LRRD1: variants seen among roughly 807,000 people sequenced by gnomAD.
LRRD1 encodes leucine rich repeats and death domain containing 1.
A neutral mutation model predicts 69.5 loss-of-function variants in LRRD1; 49 were observed. The ratio of observed to expected loss-of-function variants is 0.70; its 90% CI spans 0.56 to 0.89. LRRD1 has a LOEUF of 0.89. LRRD1 is among the 40% of genes least tolerant of loss of function. The probability of loss-of-function intolerance (pLI) is 0.00; values close to 1 mark genes in which losing one functional copy is unlikely to be tolerated. For missense variants in LRRD1, 853 were observed against 956.0 expected (o/e 0.89, Z 1.42); for synonymous variants, 303 against 338.9 (o/e 0.89, Z 1.16).
At chr7:92,174,503 ATATATATTTTTTTTTTTT>A (rs1789139078) in intron 1 of LRRD1, among the ~76,000 whole-genome samples, 1 of 20,108 alleles carries the variant, frequency 5.0e-5, no homozygotes, top group Non-Finnish European at 9.4e-5. Flanking sequence ...ATATATATAT[ATATATATTTTTTTTTTTT>A]TTTTTTTTTT....
intron 1 of LRRD1, among the ~76,000 whole-genome samples, chr7:92,170,785 C>T (rs1789040911): frequency 6.6e-6 from 1 of 152,170 alleles, no homozygotes; most frequent in African/African-American, 2.4e-5. Context: ...ACAGAATAGA[C>T]AATATCTTAG....
rs1327985960 is a variant in LRRD1, at chr7:92,164,740, C to T, written c.463G>A (p.Glu155Lys). ...TVNLEAKGLQ[E>K]FPKDILKIKY... ...ATTTTTAAAATGTCCTTAGGAAATTCCTGTAAACCCTTGGCCTCAAGGTTA... is the reference window on the plus strand; with the variant it reads ...ATTTTTAAAATGTCCTTAGGAAATTTCTGTAAACCCTTGGCCTCAAGGTTA... Residue 155 changes from glutamate (E) to lysine (K), a missense_variant, in exon 2 of 6, where the codon GAA becomes AAA. Around this residue, in one of 3 missense-constraint regions of LRRD1, gnomAD observed 739 missense variants for 808.0 expected, o/e 0.91. Coordinates refer to ENST00000458448, the MANE Select transcript of LRRD1 (RefSeq NM_001161528.2). 1 of 1,550,914 alleles carries T rather than the reference C, an allele frequency of 6.4e-7. No homozygotes were observed. The highest frequency in any genetic ancestry group is 8.7e-7 in the Non-Finnish European group (1 of 1,146,716).
In LRRD1 at chr7:92,159,189, T is replaced by G; in HGVS notation, c.1932A>C (p.Pro644=). 6.6e-7 allele frequency: 1 copy of G among 1,504,778 alleles called. No individual in the cohort carries two copies. The highest frequency in any genetic ancestry group is 8.9e-7 in the Non-Finnish European group (1 of 1,129,344). 93.2% of individuals were successfully genotyped at this position (1,504,778 alleles called of 1,614,324 possible). Residue 644 remains proline (P), a synonymous_variant, in exon 3 of 6, where the codon CCA becomes CCC. Coordinates refer to ENST00000458448, the MANE Select transcript of LRRD1 (RefSeq NM_001161528.2). The part of the protein sequence containing the change: ...QIKGRKLTRL[P]GELSNMTQLK... ...GTTGAGTCATATTAGATAGCTCTCC[T>G]GGAAGTCTTGTTAGCTGTAACAAAG...
intron 2 of LRRD1, among the ~76,000 whole-genome samples, chr7:92,160,837 T>C (rs770998513): frequency 4.0e-5 from 6 of 151,614 alleles, no homozygotes; most frequent in Non-Finnish European, 5.9e-5. Flanking sequence ...AAACAAAGAA[T>C]GAATAGAATT....
chr7:92,173,593 TA>T (rs1488048318), intron 1 of LRRD1, among the ~76,000 whole-genome samples: 1 of 152,220 alleles, frequency 6.6e-6, no homozygotes, highest in Non-Finnish European at 1.5e-5. Flanking sequence ...TCACCATCAC[TA>T]ATCATCTGAG....
intron 1 of LRRD1, among the ~76,000 whole-genome samples, chr7:92,169,199 G>A (rs930990176): frequency 3.3e-5 from 5 of 152,082 alleles, no homozygotes; most frequent in Admixed American, 6.5e-5. Flanking sequence ...GATTATAGGC[G>A]TGAGTCACCG....
chr7:92,146,027 A>G, intron 5 of LRRD1, 56 bp downstream of exon 5: 1 of 906,754 alleles, frequency 1.1e-6, no homozygotes, highest in South Asian at 2.0e-5. Flanking sequence ...CAATATCAAC[A>G]TGATATACAT....
intron 1 of LRRD1, among the ~76,000 whole-genome samples, chr7:92,172,449 A>G (rs541881469): frequency 8.8e-4 from 134 of 152,194 alleles, no homozygotes; most frequent in Non-Finnish European, 1.7e-3. Flanking sequence ...AAATCTAAAG[A>G]CTCCACTAAA....
chr7:92,150,534 C>T lies in LRRD1; in HGVS notation c.2278G>A (p.Glu760Lys). 1 of 1,535,158 alleles carries T rather than the reference C, an allele frequency of 6.5e-7. No individual in the cohort carries two copies. Among genetic ancestry groups the T allele is most frequent in the Non-Finnish European group, 8.8e-7 (1 of 1,139,724 alleles). ...AGATAGTCAATCACTCATCACCTAC[C>T]ATCTCTTTCATCTGCCCTCTGTAGA... ...RYLQRADERD[E>K]KILEKIFKIV... The change falls in exon 4 of 6, where the codon GAG becomes AAG. Residue 760 changes from glutamate to lysine, a missense_variant and splice_region_variant. Transcript: ENST00000458448.
intron 3 of LRRD1, among the ~76,000 whole-genome samples, chr7:92,157,764 C>A (rs1299891852): frequency 4.0e-5 from 6 of 151,246 alleles, no homozygotes; most frequent in Admixed American, 1.3e-4. Context: ...TTAAGTAGAG[C>A]CGGGGTTTCA....
intron 1 of LRRD1, among the ~76,000 whole-genome samples, chr7:92,170,327 T>C (rs1180664249): frequency 6.6e-6 from 1 of 152,034 alleles, no homozygotes; most frequent in African/African-American, 2.4e-5. Flanking sequence ...GAAATCTTAT[T>C]GAAAGAAATA....
Position 92,164,854 on chromosome 7 carries a change from G to A in LRRD1, c.349C>T (p.Leu117=), listed in dbSNP as rs546325022. ...TAEYQALVNF[L]SHETVGEVSP... ...ACTTCTCCTACTGTTTCATGAGATA[G>A]GAAGTTAACCAAAGCCTGATATTCT... is the stretch of plus-strand genomic sequence containing the variant. The change falls in exon 2 of 6, where the codon CTA becomes TTA. Residue 117 remains leucine, a synonymous_variant. Coordinates refer to ENST00000458448, the MANE Select transcript of LRRD1 (RefSeq NM_001161528.2). 1.9e-5 allele frequency: 30 copies of A among 1,551,560 alleles called. No individual in the cohort carries two copies. In the South Asian group the frequency reaches 3.2e-4, roughly 17 times the overall value.
In LRRD1 at chr7:92,165,228, A is replaced by G. The variant is rs935586316; in HGVS notation, c.-26T>C. The G allele has an allele frequency of 1.6e-6, 2 of 1,266,010 alleles. No homozygotes were observed. The highest frequency in any genetic ancestry group is 3.0e-5 in the African/African-American group (2 of 66,840). 78.4% of individuals were successfully genotyped at this position (1,266,010 alleles called of 1,614,324 possible). The stretch of plus-strand genomic sequence containing the variant: ...CTTATTTGCTGATATGTTTTATGCC[A>G]ATACAAAATTGTAACTTGATTTTAA... On this transcript the variant is annotated 5_prime_UTR_variant, in exon 2 of 6. Transcript: ENST00000458448.
intron 1 of LRRD1, among the ~76,000 whole-genome samples, chr7:92,167,248 A>G (rs1171431778): frequency 6.6e-6 from 1 of 151,918 alleles, no homozygotes; most frequent in Non-Finnish European, 1.5e-5. Flanking sequence ...GGCGCACGCC[A>G]CCACACCCAG....
chr7:92,169,631 CAG>C (rs990322151), intron 1 of LRRD1, among the ~76,000 whole-genome samples: 2 of 151,914 alleles, frequency 1.3e-5, no homozygotes, highest in African/African-American at 4.8e-5. Context: ...GCTTGGGCGA[CAG>C]AGAGAGATTT....
intron 4 of LRRD1, among the ~76,000 whole-genome samples, chr7:92,149,685 C>G (rs1820416494): frequency 3.9e-5 from 6 of 152,052 alleles, no homozygotes; most frequent in Admixed American, 3.9e-4. Context: ...GGTTTTCCCT[C>G]AAGGCCGAAT....
At chr7:92,178,605 G>A (rs1419302938) in intron 1 of LRRD1, among the ~76,000 whole-genome samples, 1 of 151,990 alleles carries the variant, frequency 6.6e-6, no homozygotes, top group African/African-American at 2.4e-5. Flanking sequence ...AGGAGGCAGA[G>A]GTTGCAATGA....
chr7:92,152,536 T>A (rs1820497759), intron 3 of LRRD1, among the ~76,000 whole-genome samples: 1 of 152,222 alleles, frequency 6.6e-6, no homozygotes, highest in African/African-American at 2.4e-5. Context: ...TGGTTAAGTG[T>A]ATGTACAACT....
At chr7:92,178,114 C>G (rs1247681799) in intron 1 of LRRD1, among the ~76,000 whole-genome samples, 1 of 152,102 alleles carries the variant, frequency 6.6e-6, no homozygotes, top group East Asian at 1.9e-4. Context: ...GAGATCGAGA[C>G]CATCCTGGCT....
Sources: allele counts gnomAD v4.1 joint callset (sites outside exome capture counted in the v4.1 genomes callset), GRCh38; gene constraint gnomAD v4.1.1; regional missense constraint gnomAD v4.1.1; transcripts MANE v1.5; gene names NCBI Gene and HGNC (gene_info 2026-07-23, HGNC 2026-07-21).